The following MATCAP2 variants were observed in gnomAD, a reference collection of about 807,000 sequenced individuals.
MATCAP2 encodes the protein putative tyrosine carboxypeptidase MATCAP2.
chr7:36,359,711 A>G, the MATCAP2 span, among the ~76,000 whole-genome samples: 1 of 152,166 alleles, frequency 6.6e-6, no homozygotes, highest in Non-Finnish European at 1.5e-5. Flanking sequence ...AATAAACAAA[A>G]CGTTCATCAT....
At chr7:36,328,956 T>G in the MATCAP2 span, among the ~76,000 whole-genome samples, 1 of 151,400 alleles carries the variant, frequency 6.6e-6, no homozygotes, top group African/African-American at 2.4e-5. Flanking sequence ...GGCAGGAGAA[T>G]TGCTTGAACC....
At chr7:36,347,960 T>C in the MATCAP2 span, among the ~76,000 whole-genome samples, 1 of 152,106 alleles carries the variant, frequency 6.6e-6, no homozygotes, top group Non-Finnish European at 1.5e-5. Flanking sequence ...TTTTTAAAGG[T>C]TTCAAGGCCA....
At chr7:36,349,939 T>G in the MATCAP2 span, among the ~76,000 whole-genome samples, 30 of 152,334 alleles carry the variant, frequency 2.0e-4, no homozygotes, top group Non-Finnish European at 4.0e-4. Context: ...TTCTCCGATC[T>G]AATACACAAG....
the MATCAP2 span, chr7:36,389,790 C>T: frequency 2.9e-6 from 2 of 686,086 alleles, no homozygotes; most frequent in Non-Finnish European, 2.3e-6. Flanking sequence ...GGGGAGAGGG[C>T]GCCCCGGCTC....
At chr7:36,325,539 A>AGAT in the MATCAP2 span, 1 of 152,242 alleles carries the variant, frequency 6.6e-6, no homozygotes, top group Admixed American at 6.5e-5. Flanking sequence ...ACTGAGGTAA[A>AGAT]GATAAACTCT....
the MATCAP2 span, chr7:36,336,111 C>T: frequency 1.5e-6 from 2 of 1,346,424 alleles, no homozygotes; most frequent in South Asian, 1.7e-5. Flanking sequence ...TAAACTATGA[C>T]TGTCAATGAC....
At chr7:36,367,252 T>G in the MATCAP2 span, 6 of 1,069,144 alleles carry the variant, frequency 5.6e-6, no homozygotes, top group Non-Finnish European at 6.8e-6. Flanking sequence ...GCCCCCGGGG[T>G]CCGCGCGCGC....
At chr7:36,373,285 T>C in the MATCAP2 span, among the ~76,000 whole-genome samples, 21 of 152,110 alleles carry the variant, frequency 1.4e-4, no homozygotes, top group African/African-American at 4.8e-4. Context: ...TACAGATAGG[T>C]GCTATGAAGC....
the MATCAP2 span, among the ~76,000 whole-genome samples, chr7:36,386,643 C>T: frequency 4.3e-4 from 65 of 151,896 alleles, 1 homozygote; most frequent in East Asian, 0.011. Context: ...CAAATAATTG[C>T]ACAGAAAAAT....
At chr7:36,378,876 A>G in the MATCAP2 span, among the ~76,000 whole-genome samples, 1 of 152,250 alleles carries the variant, frequency 6.6e-6, no homozygotes, top group Admixed American at 6.5e-5. Flanking sequence ...AGCAGTGAGC[A>G]AGGCTCCATG....
At chr7:36,335,042 C>T in the MATCAP2 span, 1 of 1,610,822 alleles carries the variant, frequency 6.2e-7, no homozygotes, top group Non-Finnish European at 8.5e-7. Context: ...AGGATTGCCC[C>T]TACCTATTTC....
the MATCAP2 span, chr7:36,326,072 T>TA: frequency 6.6e-6 from 1 of 151,994 alleles, no homozygotes. Context: ...TAAAACTCTG[T>TA]AAAAAATTTA....
the MATCAP2 span, among the ~76,000 whole-genome samples, chr7:36,331,347 A>G: frequency 6.6e-6 from 1 of 152,090 alleles, no homozygotes; most frequent in Non-Finnish European, 1.5e-5. Flanking sequence ...TCCTCACTAT[A>G]GAGACTGGTA....
the MATCAP2 span, among the ~76,000 whole-genome samples, chr7:36,385,787 AAAAAT>A: frequency 0.14 from 16,551 of 119,140 alleles, 1,482 homozygotes; most frequent in African/African-American, 0.25. Context: ...CCCTATTTCA[AAAAAT>A]AAAATAAAAT....
the MATCAP2 span, chr7:36,333,789 G>A: frequency 3.1e-6 from 4 of 1,306,424 alleles, no homozygotes; most frequent in Admixed American, 4.6e-5. Context: ...TCAGGGATTA[G>A]GATATAAACA....
At chr7:36,356,669 T>C in the MATCAP2 span, 1 of 585,402 alleles carries the variant, frequency 1.7e-6, no homozygotes, top group East Asian at 2.8e-5. Flanking sequence ...CCTAATATAA[T>C]TGCTTCCTGT....
At chr7:36,334,515 G>A in the MATCAP2 span, among the ~76,000 whole-genome samples, 6 of 124,068 alleles carry the variant, frequency 4.8e-5, no homozygotes, top group East Asian at 2.3e-4. Context: ...AAGAATGGGC[G>A]ACAGACCGAG....
chr7:36,379,456 G>A, the MATCAP2 span, among the ~76,000 whole-genome samples: 1 of 152,060 alleles, frequency 6.6e-6, no homozygotes, highest in African/African-American at 2.4e-5. Context: ...AACCATGCAT[G>A]TGTGTGTCTG....
the MATCAP2 span, among the ~76,000 whole-genome samples, chr7:36,362,282 G>A: frequency 6.6e-6 from 1 of 152,162 alleles, no homozygotes; most frequent in South Asian, 2.1e-4. Flanking sequence ...GTATGAAAAT[G>A]AGACGAAAGG....
Sources: gnomAD v4.1 joint callset for allele counts (sites outside exome capture counted in the v4.1 genomes callset) on GRCh38, gnomAD v4.1.1 for gene constraint, MANE v1.5 for transcripts, NCBI Gene and HGNC (gene_info 2026-07-23, HGNC 2026-07-21) for gene names.